The following ARMH1 variants were observed in gnomAD, a reference collection of about 807,000 sequenced individuals.
ARMH1 encodes armadillo-like helical domain containing protein 1.
Under a neutral mutation model 50.2 loss-of-function variants are expected in ARMH1, and 34 were observed. The observed-to-expected ratio is 0.68, with a 90% CI of 0.51 to 0.90. The LOEUF (loss-of-function observed/expected upper bound fraction) is 0.90, where lower values mean the gene tolerates loss of function less well. Ranked by LOEUF, ARMH1 falls within the 40% of genes least tolerant of loss-of-function variation. ARMH1 has a pLI of 0.00. For synonymous variants in ARMH1, 221 were observed against 224.2 expected (o/e 0.99, Z 0.13); for missense variants, 538 against 553.9 (o/e 0.97, Z 0.29).
In ARMH1 at chr1:44,691,281, A is replaced by G. The variant is rs191396677; in HGVS notation, c.206+1378A>G. On this transcript the variant is annotated intron_variant, in intron 2 of 11. Coordinates refer to ENST00000535358, the MANE Select transcript of ARMH1 (RefSeq NM_001145636.2). The stretch of plus-strand genomic sequence containing the variant: ...TCAAAACATTTTTTAAAAATTATAA[A>G]AATAAAGGTTGTTGAGTCTCCCTGT... Among the ~76,000 whole-genome samples the G allele has an allele frequency of 2.2e-3, 332 of 151,852 alleles. 1 individual carries two copies. Among genetic ancestry groups the G allele is most frequent in the Non-Finnish European group, 3.6e-3 (248 of 67,948 alleles).
intron 1 of ARMH1, among the ~76,000 whole-genome samples, chr1:44,676,627 G>A (rs565231588): frequency 1.3e-4 from 20 of 152,330 alleles, no homozygotes; most frequent in Middle Eastern, 3.4e-3. Context: ...GTAAAATAAG[G>A]CCTGAAAGAA....
At chr1:44,712,535 CAAAAAAA>C (rs35480137) in intron 6 of ARMH1, among the ~76,000 whole-genome samples, 2 of 64,828 alleles carry the variant, frequency 3.1e-5, no homozygotes, top group East Asian at 7.4e-4. Context: ...CAGGGAACCG[CAAAAAAA>C]AAAAAAAAAA....
intron 6 of ARMH1, among the ~76,000 whole-genome samples, chr1:44,710,531 C>T (rs1296977590): frequency 6.8e-6 from 1 of 147,164 alleles, no homozygotes; most frequent in East Asian, 2.0e-4. Flanking sequence ...ATGGCGTGAA[C>T]CCAGGAGGTG....
chr1:44,686,817 T>C (rs1420583932), intron 1 of ARMH1, among the ~76,000 whole-genome samples: 3 of 152,156 alleles, frequency 2.0e-5, no homozygotes, highest in African/African-American at 7.2e-5. Context: ...GGCATGCGCC[T>C]GTAGCCCCAG....
chr1:44,704,370 T>C (rs1646241271), intron 6 of ARMH1, among the ~76,000 whole-genome samples, 197 bp downstream of exon 6: 2 of 152,180 alleles, frequency 1.3e-5, no homozygotes, highest in Non-Finnish European at 2.9e-5. Context: ...CCTGAACGGT[T>C]ACGAGAATCT....
At chr1:44,695,986 G>T (rs75464318) in intron 2 of ARMH1, among the ~76,000 whole-genome samples, 1 of 150,988 alleles carries the variant, frequency 6.6e-6, no homozygotes, top group Non-Finnish European at 1.5e-5. Context: ...AGAGGAAACA[G>T]AAGGTGACAG....
At chr1:44,699,413 A>G (rs1645955325) in intron 4 of ARMH1, among the ~76,000 whole-genome samples, 1 of 152,168 alleles carries the variant, frequency 6.6e-6, no homozygotes, top group Non-Finnish European at 1.5e-5. Flanking sequence ...GTCCTCAGAC[A>G]GTTTAGAGTC....
chr1:44,693,061 T>G (rs934750506), intron 2 of ARMH1: 1 of 152,220 alleles, frequency 6.6e-6, no homozygotes, highest in African/African-American at 2.4e-5. Context: ...AATATTATTG[T>G]GCATAAAAGA....
At chr1:44,678,374 G>A (rs1425964593) in intron 1 of ARMH1, among the ~76,000 whole-genome samples, 1 of 151,916 alleles carries the variant, frequency 6.6e-6, no homozygotes. Context: ...CTTGTGGGGA[G>A]AGGATGGAGA....
Position 44,714,007 on chromosome 1 carries a change from G to A in ARMH1, c.724+9834G>A, listed in dbSNP as rs954028939. ...GAGAGGTAGCAGGGGGCCTGACGCA[G>A]TGGCTCACGCATGTACCCAGCACTT... On this transcript the variant is annotated intron_variant, in intron 6 of 11. Coordinates refer to ENST00000535358, the MANE Select transcript of ARMH1 (RefSeq NM_001145636.2). Among the ~76,000 whole-genome samples, 9 of 152,310 alleles carry A rather than the reference G, an allele frequency of 5.9e-5. No homozygotes were observed. The East Asian group carries it at 1.5e-3, about 26-fold the overall frequency.
intron 5 of ARMH1, among the ~76,000 whole-genome samples, chr1:44,703,884 G>T (rs774311212): frequency 1.9e-4 from 28 of 150,916 alleles, no homozygotes; most frequent in Non-Finnish European, 3.1e-4. Context: ...CTGGCACCAC[G>T]CCCAGCTAAT....
chr1:44,693,383 C>T (rs572992460), intron 2 of ARMH1, among the ~76,000 whole-genome samples: 1 of 152,312 alleles, frequency 6.6e-6, no homozygotes, highest in African/African-American at 2.4e-5. Context: ...CAGGGTGGTA[C>T]AGGTGCAGGG....
At chr1:44,718,587 A>C (rs139346119) in intron 6 of ARMH1, among the ~76,000 whole-genome samples, 1 of 152,262 alleles carries the variant, frequency 6.6e-6, no homozygotes, top group East Asian at 1.9e-4. Flanking sequence ...TTCCCTCCAC[A>C]ATGTTGCTGG....
At chr1:44,695,703 G>A (rs1332957724) in intron 2 of ARMH1, among the ~76,000 whole-genome samples, 1 of 152,152 alleles carries the variant, frequency 6.6e-6, no homozygotes, top group African/African-American at 2.4e-5. Context: ...ACTTTGGAAG[G>A]CTGAAGCAGG....
intron 6 of ARMH1, among the ~76,000 whole-genome samples, chr1:44,721,536 T>C (rs539910725): frequency 2.8e-4 from 43 of 152,240 alleles, no homozygotes; most frequent in African/African-American, 1.0e-3. Flanking sequence ...CTTATAAACA[T>C]TTAGCTTCCT....
chr1:44,719,899 A>G (rs2148767299), intron 6 of ARMH1, among the ~76,000 whole-genome samples: 1 of 152,302 alleles, frequency 6.6e-6, no homozygotes, highest in African/African-American at 2.4e-5. Context: ...AAGCACTCTC[A>G]AAGTTGGCCA....
chr1:44,720,007 C>T (rs1647021809), intron 6 of ARMH1, among the ~76,000 whole-genome samples: 1 of 151,912 alleles, frequency 6.6e-6, no homozygotes, highest in Admixed American at 6.6e-5. Flanking sequence ...CCAGCCTGGC[C>T]AACATGGTGA....
In ARMH1 at chr1:44,725,312, C is replaced by G; in HGVS notation, c.1232C>G (p.Ser411Cys). The G allele has an allele frequency of 6.4e-7, 1 of 1,551,838 alleles. No individual in the cohort carries two copies. Among genetic ancestry groups the G allele is most frequent in the South Asian group, 1.2e-5 (1 of 84,066 alleles). Reference protein sequence around the residue: ...VTKALCLHGSSYSMNTLYGSR... With the variant: ...VTKALCLHGSCYSMNTLYGSR... ...GCAGCCCTGTGCCTCCATGGCAGCT[C>G]CTACAGCATGAACACTCTCTATGGC... Residue 411 changes from serine (S) to cysteine (C), a missense_variant, in exon 12 of 12, where the codon TCC becomes TGC. By Grantham distance (112) the Ser-to-Cys change is moderately radical (BLOSUM62 -1). Coordinates refer to ENST00000535358, the MANE Select transcript of ARMH1 (RefSeq NM_001145636.2).
At chr1:44,694,046 T>C (rs1176545231) in intron 2 of ARMH1, among the ~76,000 whole-genome samples, 3 of 152,334 alleles carry the variant, frequency 2.0e-5, no homozygotes, top group East Asian at 3.9e-4. Flanking sequence ...ATTGCACTTA[T>C]TACATTAGGC....
Sources: gnomAD v4.1 joint callset for allele counts (sites outside exome capture counted in the v4.1 genomes callset) on GRCh38, gnomAD v4.1.1 for gene constraint, MANE v1.5 for transcripts, NCBI Gene and HGNC (gene_info 2026-07-23, HGNC 2026-07-21) for gene names.